The following CACNA1H variants were observed in gnomAD, a reference collection of about 807,000 sequenced individuals.
CACNA1H encodes voltage-dependent T-type calcium channel subunit alpha-1H.
CACNA1H carries 149 observed loss-of-function variants against 192.5 expected under a neutral mutation model. That is an observed-to-expected ratio of 0.77 (90% CI 0.68 to 0.89). The LOEUF (loss-of-function observed/expected upper bound fraction) is 0.89. CACNA1H is among the 40% of genes least tolerant of loss of function. The pLI is 0.00. For missense variants in CACNA1H, 4,257 were observed against 3,423.5 expected (o/e 1.24, Z -6.08); for synonymous variants, 2,202 against 1,475.2 (o/e 1.49, Z -11.29).
rs563838139 is a variant in CACNA1H, at chr16:1,219,932, A to G, written c.6049-49A>G. ...GGGTCTCCGAGCCCTGGCCACTGAC[A>G]GGGCTCTCCCAGGGCCCCGCCCCTC... On this transcript the variant is annotated intron_variant, in intron 34 of 34. Transcript: ENST00000348261. 9.3e-5 allele frequency: 116 copies of G among 1,252,324 alleles called. 1 individual carries two copies. The East Asian group carries it at 3.6e-3, about 39-fold the overall frequency. 77.6% of individuals were successfully genotyped at this position (1,252,324 alleles called of 1,614,324 possible).
At chr16:1,173,463 T>G (rs766594814) in intron 2 of CACNA1H, among the ~76,000 whole-genome samples, 6 of 152,260 alleles carry the variant, frequency 3.9e-5, no homozygotes, top group African/African-American at 7.2e-5. Flanking sequence ...GTTCTCTCTC[T>G]CGCTATTTAC....
Position 1,213,859 on chromosome 16 carries a change from C to T in CACNA1H, c.4857C>T (p.Leu1619=), listed in dbSNP as rs774967938. Reference sequence around the variant, plus strand: ...ACTCGCTGTGCACCAGCCACTATCTCGACCTCTTCATCACCTTCATCATCT... The same window carrying T: ...ACTCGCTGTGCACCAGCCACTATCTTGACCTCTTCATCACCTTCATCATCT... The part of the protein sequence containing the change: ...SIHSLCTSHY[L]DLFITFIICV... The change falls in exon 27 of 35, where the codon CTC becomes CTT. Residue 1619 remains leucine, a synonymous_variant. Coordinates refer to ENST00000348261, the MANE Select transcript of CACNA1H (RefSeq NM_021098.3). 1.8e-5 allele frequency: 29 copies of T among 1,609,548 alleles called. No homozygotes were observed. The highest frequency in any genetic ancestry group is 1.5e-4 in the Admixed American group (9 of 59,496).
intron 5 of CACNA1H, among the ~76,000 whole-genome samples, chr16:1,197,455 G>T (rs1461496774): frequency 3.3e-5 from 5 of 152,214 alleles, no homozygotes; most frequent in Non-Finnish European, 7.3e-5. Context: ...GGCCCTAATT[G>T]TCGCCAGCAG....
At position 1,209,095 on chromosome 16, in the gene CACNA1H, T is replaced by C; in HGVS notation, c.3427T>C (p.Ser1143Pro). 2 of 1,548,046 alleles carry C rather than the reference T, an allele frequency of 1.3e-6. No individual in the cohort carries two copies. Among genetic ancestry groups the C allele is most frequent in the East Asian group, 2.4e-5 (1 of 41,430 alleles). ...GPSGAWSSRR[S>P]SWSSLGRAPS... ...CAGTGGCGCCTGGAGCAGCCGGCGC[T>C]CCAGCTGGAGCAGCCTGGGCCGTGC... The change falls in exon 17 of 35, where the codon TCC becomes CCC. Residue 1143 changes from serine to proline, a missense_variant. Ser to Pro is a moderately conservative substitution (Grantham distance 74). Transcript: ENST00000348261.
At chr16:1,208,931 A>C (rs1969088669) in intron 16 of CACNA1H, 101 bp from the exon 17 acceptor site, 3 of 1,246,208 alleles carry the variant, frequency 2.4e-6, no homozygotes, top group Admixed American at 7.0e-5. Context: ...GCTATGCATT[A>C]AATGATCCAC....
chr16:1,208,342 G>A (rs1485677552), intron 16 of CACNA1H, 121 bp downstream of exon 16: 3 of 712,890 alleles, frequency 4.2e-6, no homozygotes, highest in Non-Finnish European at 7.1e-6. Flanking sequence ...GTCCCAGCCT[G>A]TGCAGAGACT....
chr16:1,212,215 C>G (rs1411547217), intron 25 of CACNA1H, 77 bp downstream of exon 25: 13 of 1,497,020 alleles, frequency 8.7e-6, no homozygotes, highest in South Asian at 7.7e-5. Context: ...CCCTCCACTC[C>G]CGCCCCGGCC....
At chr16:1,158,362 G>T (rs1377150014) in intron 2 of CACNA1H, among the ~76,000 whole-genome samples, 1 of 152,114 alleles carries the variant, frequency 6.6e-6, no homozygotes, top group Admixed American at 6.5e-5. Context: ...GGCCCCCGGG[G>T]GTGACGACAG....
At chr16:1,190,034 G>A (rs1383055684) in intron 2 of CACNA1H, among the ~76,000 whole-genome samples, 1 of 152,232 alleles carries the variant, frequency 6.6e-6, no homozygotes, top group Non-Finnish European at 1.5e-5. Flanking sequence ...GGGAGATGAA[G>A]GAGGGAGGGT....
rs745936155 is a variant in CACNA1H at position 1,205,249 on chromosome 16, A to T, written c.2587A>T (p.Ile863Phe). 1 of 1,607,854 alleles carries T rather than the reference A, an allele frequency of 6.2e-7. No homozygotes were observed. Among genetic ancestry groups the T allele is most frequent in the Non-Finnish European group, 8.5e-7 (1 of 1,175,586 alleles). ...GAACCCGTACAACATCTTCGACGGC[A>T]TCATCGTGGTCATCAGGTGGGTCCC... ...IRNPYNIFDG[I>F]IVVISVWEIV... Residue 863 changes from isoleucine to phenylalanine, a missense_variant, in exon 11 of 35, where the codon ATC becomes TTC. By Grantham distance (21) the Ile-to-Phe change is conservative. Transcript: ENST00000348261.
At chr16:1,160,220 C>G (rs897244845) in intron 2 of CACNA1H, 1 of 152,252 alleles carries the variant, frequency 6.6e-6, no homozygotes, top group Non-Finnish European at 1.5e-5. Context: ...CCTGCCTGTC[C>G]TCGTCAGTGG....
chr16:1,204,700 G>A (rs1039609886), intron 10 of CACNA1H, among the ~76,000 whole-genome samples: 4 of 152,132 alleles, frequency 2.6e-5, no homozygotes, highest in Non-Finnish European at 5.9e-5. Context: ...TTGAGATGCT[G>A]CTGCAGCCCT....
At chr16:1,197,162 T>C (rs1967082358) in intron 5 of CACNA1H, among the ~76,000 whole-genome samples, 2 of 152,220 alleles carry the variant, frequency 1.3e-5, no homozygotes, top group Admixed American at 1.3e-4. Flanking sequence ...GGCTCTACTG[T>C]GTGGCTCAGA....
chr16:1,219,926 A>C, intron 34 of CACNA1H, 55 bp from the exon 35 acceptor site: 1 of 1,231,300 alleles, frequency 8.1e-7, no homozygotes, highest in Non-Finnish European at 1.0e-6. Context: ...AGCCCTGGCC[A>C]CTGACAGGGC....
chr16:1,181,435 T>C (rs1378864007), intron 2 of CACNA1H, among the ~76,000 whole-genome samples: 1 of 152,218 alleles, frequency 6.6e-6, no homozygotes, highest in Non-Finnish European at 1.5e-5. Context: ...GGGGGTCTGC[T>C]CCAGTTCCGG....
At chr16:1,197,588 G>A (rs1389288538) in intron 5 of CACNA1H, among the ~76,000 whole-genome samples, 1 of 152,226 alleles carries the variant, frequency 6.6e-6, no homozygotes, top group Non-Finnish European at 1.5e-5. Context: ...TTGGCTAGGG[G>A]TCCACTCTGA....
At chr16:1,195,616 C>T in intron 4 of CACNA1H, 51 bp downstream of exon 4, 1 of 1,554,948 alleles carries the variant, frequency 6.4e-7, no homozygotes, top group Non-Finnish European at 8.7e-7. Flanking sequence ...GCCCCGCCCA[C>T]CCCACAGGGA....
At chr16:1,175,565 C>T (rs1191608708) in intron 2 of CACNA1H, among the ~76,000 whole-genome samples, 1 of 152,202 alleles carries the variant, frequency 6.6e-6, no homozygotes, top group Non-Finnish European at 1.5e-5. Context: ...TCGCCGTGTC[C>T]CGAGCTTGTC....
At chr16:1,211,409 C>A in intron 22 of CACNA1H, 72 bp from the exon 23 acceptor site, 2 of 1,606,816 alleles carry the variant, frequency 1.2e-6, no homozygotes, top group Non-Finnish European at 1.7e-6. Context: ...GGGCCTCACT[C>A]GCGCCCCAGG....
Sources: gnomAD v4.1 joint callset for allele counts (sites outside exome capture counted in the v4.1 genomes callset) on GRCh38, gnomAD v4.1.1 for gene constraint, MANE v1.5 for transcripts, NCBI Gene and HGNC (gene_info 2026-07-23, HGNC 2026-07-21) for gene names.